Variants in GKN2 observed in about 807,000 individuals in gnomAD.
The protein encoded by GKN2 is gastrokine-2.
A neutral mutation model predicts 22.7 loss-of-function variants in GKN2; 17 were observed. That is an observed-to-expected ratio of 0.75 (90% CI 0.51 to 1.13). GKN2 has a LOEUF of 1.13. Among genes scored for constraint, GKN2 ranks in the 50% most tolerant of loss-of-function variants. GKN2 has a pLI of 0.00. For missense variants in GKN2, 248 were observed against 221.4 expected, an observed-to-expected ratio of 1.12 and a Z score of -0.76; for synonymous variants, 82 against 79.6, an observed-to-expected ratio of 1.03 and a Z score of -0.16.
At chr2:68,950,811 C>T in intron 1 of GKN2, 56 bp from the exon 2 acceptor site, 1 of 1,547,052 alleles carries the variant, frequency 6.5e-7, no homozygotes, top group South Asian at 1.1e-5. Context: ...GAGTGTGGGA[C>T]AGGAGGAAAC....
At chr2:68,951,574 A>G (rs1178985889) in intron 1 of GKN2, among the ~76,000 whole-genome samples, 1 of 152,128 alleles carries the variant, frequency 6.6e-6, no homozygotes, top group Non-Finnish European at 1.5e-5. Context: ...GGGAAGGGGG[A>G]TATTTTTAAG....
rs1399192837 is a variant in GKN2 at position 68,949,990 on chromosome 2, AG to A, written c.204+135del. The A allele has an allele frequency of 1.1e-3, 751 of 655,886 alleles. 10 individuals are homozygous for A. Among genetic ancestry groups the A allele is most frequent in the Non-Finnish European group, 1.7e-4 (73 of 435,142 alleles). The allele number at this position is 655,886 out of a possible 1,614,324, so 40.6% of individuals were successfully genotyped here. ...AATTGCTTGATTATTTAAAGAGAAA[AG>A]TGAAAGTGAGGAATTCTTAAAGAAT... On this transcript the variant is annotated intron_variant, in intron 3 of 5. Coordinates refer to ENST00000328895, the MANE Select transcript of GKN2 (RefSeq NM_182536.3).
intron 1 of GKN2, 100 bp downstream of exon 1, chr2:68,952,750 G>C: frequency 1.7e-6 from 2 of 1,147,896 alleles, no homozygotes; most frequent in Non-Finnish European, 2.5e-6. Context: ...AGCATGCACA[G>C]TATCTGTCTA....
At chr2:68,946,210 A>G in intron 5 of GKN2, 94 bp downstream of exon 5, 4 of 1,076,476 alleles carry the variant, frequency 3.7e-6, no homozygotes, top group Non-Finnish European at 5.4e-6. Context: ...TACTGTTCCC[A>G]TTTATTTGCA....
intron 3 of GKN2, 34 bp from the exon 4 acceptor site, chr2:68,947,291 C>T: frequency 7.3e-7 from 1 of 1,365,596 alleles, no homozygotes; most frequent in Non-Finnish European, 1.0e-6. Flanking sequence ...CTGTTCCTCC[C>T]TAGTTCCCTG....
rs749479927 is a variant in GKN2 at position 68,950,251 on chromosome 2, T to C, written c.79A>G (p.Ile27Val). 2 of 1,609,290 alleles carry C rather than the reference T, an allele frequency of 1.2e-6. No individual in the cohort carries two copies. The highest frequency in any genetic ancestry group is 1.7e-6 in the Non-Finnish European group (2 of 1,178,758). Residue 27 changes from isoleucine to valine, a missense_variant, in exon 3 of 6, where the codon ATC (isoleucine) becomes GTC (valine). Transcript: ENST00000328895. ...TTGCCACCATTGTTGCTTGGGCTGA[T>C]GATGTTAAAAACCTAGATTGAAAAG... ...QSHGYEVFNI[I>V]SPSNNGGNVQ...
Position 68,952,815 on chromosome 2 carries a change from C to A in GKN2, c.12+35G>T, listed in dbSNP as rs192229708. The A allele has an allele frequency of 5.3e-5, 85 of 1,612,552 alleles. 1 individual carries two copies. The East Asian group carries it at 1.5e-3, about 29-fold the overall frequency. On this transcript the variant is annotated intron_variant, in intron 1 of 5. Transcript: ENST00000328895. The stretch of plus-strand genomic sequence containing the variant: ...ATGAGCATTGTCTGCAAGCAGTCAC[C>A]ACAAGAGTATCAAGAAGCAGAAACA...
At chr2:68,951,936 A>C (rs186440468) in intron 1 of GKN2, among the ~76,000 whole-genome samples, 1 of 152,256 alleles carries the variant, frequency 6.6e-6, no homozygotes, top group South Asian at 2.1e-4. Context: ...GTTAGGTCTC[A>C]ATTTGGAAAA....
At chr2:68,952,796 AT>A in intron 1 of GKN2, 53 bp downstream of exon 1, 2 of 1,591,970 alleles carry the variant, frequency 1.3e-6, no homozygotes, top group Non-Finnish European at 1.7e-6. Flanking sequence ...AGATATGAGC[AT>A]TGTCTGCAAG....
intron 5 of GKN2, chr2:68,946,016 C>A (rs1669759961): frequency 7.3e-6 from 3 of 409,186 alleles, no homozygotes; most frequent in African/African-American, 2.1e-5. Context: ...TGAAAGTATA[C>A]AAGAATCGAG....
intron 3 of GKN2, among the ~76,000 whole-genome samples, chr2:68,947,479 A>T (rs371638815): frequency 1.3e-5 from 2 of 152,306 alleles, no homozygotes; most frequent in African/African-American, 4.8e-5. Context: ...GTGCAAACCC[A>T]TGACTATATT....
intron 1 of GKN2, 102 bp downstream of exon 1, chr2:68,952,748 C>G (rs1252885803): frequency 3.6e-6 from 4 of 1,109,060 alleles, no homozygotes; most frequent in Non-Finnish European, 5.3e-6. Context: ...GAAGCATGCA[C>G]AGTATCTGTC....
Position 68,947,148 on chromosome 2 carries a change from T to G in GKN2, c.314A>C (p.Gln105Pro). The G allele has an allele frequency of 6.3e-7, 1 of 1,586,540 alleles. No individual in the cohort carries two copies. The change falls in exon 4 of 6, where the codon CAG (glutamine) becomes CCG (proline). Residue 105 changes from glutamine (Q) to proline (P), a missense_variant and splice_region_variant. By Grantham distance (76) the Gln-to-Pro change is moderately conservative (BLOSUM62 -1). Transcript: ENST00000328895. Reference protein sequence around the residue: ...NNLQWYIYEKQALDNMFSSKY... With the variant: ...NNLQWYIYEKPALDNMFSSKY... The stretch of plus-strand genomic sequence containing the variant: ...TACTCAAGAGTGCCCCAGAATTACC[T>G]GTTTCTCATAGATGTACCATTGGAG...
chr2:68,948,870 C>A (rs1669813242), intron 3 of GKN2, among the ~76,000 whole-genome samples: 1 of 152,172 alleles, frequency 6.6e-6, no homozygotes, highest in African/African-American at 2.4e-5. Flanking sequence ...TAAAGCAAAT[C>A]CTCACTTCTC....
At chr2:68,947,101 T>G (rs368996159) in intron 4 of GKN2, 46 bp downstream of exon 4, 19 of 1,157,152 alleles carry the variant, frequency 1.6e-5, no homozygotes, top group African/African-American at 1.4e-4. Flanking sequence ...ATACCAGTAT[T>G]GCCTGGCTTA....
At chr2:68,945,582 T>C (rs2103887428) in intron 5 of GKN2, 132 bp from the exon 6 acceptor site, 1 of 636,022 alleles carries the variant, frequency 1.6e-6, no homozygotes, top group East Asian at 2.8e-5. Context: ...CCCAGTGATA[T>C]TATGCCATTC....
chr2:68,946,066 T>A, intron 5 of GKN2: 2 of 423,006 alleles, frequency 4.7e-6, no homozygotes, highest in Admixed American at 8.0e-5. Flanking sequence ...TACTCCATCC[T>A]CTCTTTTCAC....
intron 1 of GKN2, among the ~76,000 whole-genome samples, chr2:68,951,168 T>C (rs1317849838): frequency 6.6e-6 from 1 of 152,124 alleles, no homozygotes; most frequent in Non-Finnish European, 1.5e-5. Context: ...AATTAATTAA[T>C]TAATTTTAAA....
At chr2:68,946,253 ATAG>A in intron 5 of GKN2, 48 bp downstream of exon 5, 1 of 1,519,886 alleles carries the variant, frequency 6.6e-7, no homozygotes, top group East Asian at 2.3e-5. Context: ...CACCTGGCAC[ATAG>A]TAGCTTTCAG....
Sources: gnomAD v4.1 joint callset for allele counts (sites outside exome capture counted in the v4.1 genomes callset) on GRCh38, gnomAD v4.1.1 for gene constraint, MANE v1.5 for transcripts, NCBI Gene and HGNC (gene_info 2026-07-23, HGNC 2026-07-21) for gene names.